The following CTNND2 variants were observed in gnomAD, a reference collection of about 807,000 sequenced individuals.
CTNND2 encodes the protein catenin delta-2.
CTNND2 carries 22 observed loss-of-function variants against 144.4 expected under a neutral mutation model. That is an observed-to-expected ratio of 0.15 (90% CI 0.11 to 0.22). The LOEUF (loss-of-function observed/expected upper bound fraction) is 0.22, where lower values mean the gene tolerates loss of function less well. Among genes scored for constraint, CTNND2 ranks in the 10% least tolerant of loss-of-function variants. CTNND2 has a pLI of 1.00. For missense variants in CTNND2, 1,353 were observed against 1,618.8 expected (o/e 0.84, Z 2.82); for synonymous variants, 751 against 695.6 (o/e 1.08, Z -1.25).
At chr5:11,186,877 G>A (rs1400192881) in intron 11 of CTNND2, among the ~76,000 whole-genome samples, 1 of 152,222 alleles carries the variant, frequency 6.6e-6, no homozygotes, top group Non-Finnish European at 1.5e-5. Flanking sequence ...GACCAGCTGT[G>A]ACTTTAAGCA....
At chr5:11,547,476 T>TG (rs1289991791) in intron 3 of CTNND2, among the ~76,000 whole-genome samples, 2 of 151,658 alleles carry the variant, frequency 1.3e-5, no homozygotes, top group African/African-American at 4.8e-5. Context: ...GACACTACAG[T>TG]GAAAAAAAGA....
chr5:11,664,537 T>C (rs1783450851), intron 2 of CTNND2, among the ~76,000 whole-genome samples: 1 of 152,166 alleles, frequency 6.6e-6, no homozygotes, highest in Non-Finnish European at 1.5e-5. Flanking sequence ...GCTGAGGAAG[T>C]GCCACTGCAC....
At chr5:11,889,879 G>A (rs879880226) in intron 1 of CTNND2, among the ~76,000 whole-genome samples, 1 of 151,984 alleles carries the variant, frequency 6.6e-6, no homozygotes, top group African/African-American at 2.4e-5. Flanking sequence ...ATCACTCAAG[G>A]TCTTATGCCA....
rs148679711 is a variant in CTNND2, at chr5:11,309,062, C to T, written c.1628+37310G>A. On this transcript the variant is annotated intron_variant, in intron 9 of 21. Coordinates refer to ENST00000304623, the MANE Select transcript of CTNND2 (RefSeq NM_001332.4). ...ACTTCGTGATCCAATCACCTCTCAC[C>T]AGTCCTGTCTTCCAACATTGGGGAT... 6.6e-4 allele frequency among the ~76,000 whole-genome samples: 100 copies of T among 152,336 alleles called. 1 individual carries two copies. The highest frequency in any genetic ancestry group is 2.3e-3 in the African/African-American group (96 of 41,586).
chr5:11,638,926 A>C (rs921473647), intron 2 of CTNND2, among the ~76,000 whole-genome samples: 2 of 152,200 alleles, frequency 1.3e-5, no homozygotes, highest in African/African-American at 4.8e-5. Flanking sequence ...ATACGCAAAA[A>C]GATTTCCATG....
intron 3 of CTNND2, among the ~76,000 whole-genome samples, chr5:11,437,762 T>G (rs1763898469): frequency 6.6e-6 from 1 of 152,348 alleles, no homozygotes; most frequent in East Asian, 1.9e-4. Flanking sequence ...GTTGATAAAC[T>G]GGGGAACCCA....
intron 11 of CTNND2, among the ~76,000 whole-genome samples, chr5:11,172,160 A>G (rs1759993021): frequency 6.6e-6 from 1 of 152,186 alleles, no homozygotes; most frequent in Non-Finnish European, 1.5e-5. Flanking sequence ...GAAAATCTGG[A>G]AAGTGATCTG....
chr5:11,250,491 C>CTCTCTCTCTCTCTCTA (rs869141186), intron 9 of CTNND2, among the ~76,000 whole-genome samples: 2 of 64,120 alleles, frequency 3.1e-5, no homozygotes, highest in African/African-American at 8.6e-5. Flanking sequence ...CTCTCTCTCT[C>CTCTCTCTCTCTCTCTA]TATATATATA....
chr5:11,556,355 A>G (rs1441930168), intron 3 of CTNND2, among the ~76,000 whole-genome samples: 1 of 152,216 alleles, frequency 6.6e-6, no homozygotes, highest in Admixed American at 6.5e-5. Flanking sequence ...AAATTATTTC[A>G]ATATTGTATC....
At chr5:11,837,908 TA>T (rs1168264522) in intron 1 of CTNND2, among the ~76,000 whole-genome samples, 1 of 152,152 alleles carries the variant, frequency 6.6e-6, no homozygotes, top group East Asian at 1.9e-4. Context: ...CAAATGTATA[TA>T]TTTTTGCTCT....
chr5:10,989,822 C>T (rs759366711), intron 19 of CTNND2, among the ~76,000 whole-genome samples: 12 of 152,194 alleles, frequency 7.9e-5, no homozygotes, highest in Middle Eastern at 3.2e-3. Context: ...GCAGAAGTGC[C>T]CAACAGACGT....
At chr5:11,829,489 G>A (rs997665421) in intron 1 of CTNND2, among the ~76,000 whole-genome samples, 2 of 152,306 alleles carry the variant, frequency 1.3e-5, no homozygotes, top group East Asian at 1.9e-4. Flanking sequence ...AGGAGCCAAC[G>A]TAAAGCTCAG....
intron 1 of CTNND2, among the ~76,000 whole-genome samples, chr5:11,894,324 A>T (rs1258956151): frequency 6.6e-6 from 1 of 152,142 alleles, no homozygotes; most frequent in Non-Finnish European, 1.5e-5. Flanking sequence ...AATACAAGAA[A>T]CTTTTTGGGC....
intron 2 of CTNND2, among the ~76,000 whole-genome samples, chr5:11,583,243 A>G (rs1778576440): frequency 6.6e-6 from 1 of 152,200 alleles, no homozygotes; most frequent in African/African-American, 2.4e-5. Flanking sequence ...CATCATCCTG[A>G]GCTCCATGCT....
chr5:11,414,334 C>T (rs1038823187), intron 3 of CTNND2, among the ~76,000 whole-genome samples: 7 of 152,140 alleles, frequency 4.6e-5, no homozygotes, highest in South Asian at 2.1e-4. Context: ...GTTATGACAG[C>T]GCCAGGAAAC....
chr5:11,365,463 T>C (rs1185219520), intron 7 of CTNND2, among the ~76,000 whole-genome samples: 1 of 152,216 alleles, frequency 6.6e-6, no homozygotes, highest in African/African-American at 2.4e-5. Context: ...TATATTTTCC[T>C]TTACTCTGAC....
rs144715853 is a variant in CTNND2 at position 11,788,948 on chromosome 5, G to A, written c.38-56676C>T. Among the ~76,000 whole-genome samples the A allele has an allele frequency of 1.8e-3, 280 of 151,620 alleles. 1 individual carries two copies. The highest frequency in any genetic ancestry group is 6.5e-3 in the African/African-American group (270 of 41,326). On this transcript the variant is annotated intron_variant, in intron 1 of 21. Coordinates refer to ENST00000304623, the MANE Select transcript of CTNND2 (RefSeq NM_001332.4). ...GCAGTGTTTGGTTTTTTGTCCTTGC[G>A]ATAGTTTGCTGAGAATGATGGTTTC... is the stretch of plus-strand genomic sequence containing the variant.
chr5:11,294,296 T>A (rs540606032), intron 9 of CTNND2, among the ~76,000 whole-genome samples: 96 of 152,214 alleles, frequency 6.3e-4, no homozygotes, highest in African/African-American at 2.3e-3. Context: ...ATTTGGGTGA[T>A]AAAATGGAAT....
intron 16 of CTNND2, among the ~76,000 whole-genome samples, chr5:11,053,624 T>C (rs997888039): frequency 6.6e-6 from 1 of 152,236 alleles, no homozygotes; most frequent in African/African-American, 2.4e-5. Flanking sequence ...GGCCACAAAA[T>C]GCATTTGATC....
Sources: allele counts gnomAD v4.1 joint callset (sites outside exome capture counted in the v4.1 genomes callset), GRCh38; gene constraint gnomAD v4.1.1; transcripts MANE v1.5; gene names NCBI Gene and HGNC (gene_info 2026-07-23, HGNC 2026-07-21).